Variants in ATP8B4 observed in about 807,000 individuals in gnomAD.
ATP8B4 encodes ATPase phospholipid transporting 8B4 (putative).
In ATP8B4, 133 loss-of-function variants were observed where a neutral mutation model predicts 145.6. That is an observed-to-expected ratio of 0.91 (90% CI 0.79 to 1.05). The LOEUF (loss-of-function observed/expected upper bound fraction) is 1.05. Among genes scored for constraint, ATP8B4 ranks in the 50% least tolerant of loss-of-function variants. The pLI is 0.00. For synonymous variants in ATP8B4, 507 were observed against 492.9 expected, an observed-to-expected ratio of 1.03 and a Z score of -0.38; for missense variants, 1,458 against 1,425.2, an observed-to-expected ratio of 1.02 and a Z score of -0.37.
intron 1 of ATP8B4, among the ~76,000 whole-genome samples, chr15:50,149,062 C>T (rs987020768): frequency 9.9e-5 from 15 of 152,150 alleles, no homozygotes; most frequent in African/African-American, 3.6e-4. Context: ...TTCTCTTGTT[C>T]ATCTATGAAT....
chr15:50,180,051 C>T (rs969400108), intron 1 of ATP8B4, among the ~76,000 whole-genome samples: 1 of 152,156 alleles, frequency 6.6e-6, no homozygotes, highest in Non-Finnish European at 1.5e-5. Flanking sequence ...AAACGTTCCA[C>T]AAAATGGCCT....
intron 3 of ATP8B4, 113 bp from the exon 4 acceptor site, chr15:50,047,577 G>C (rs779624861): frequency 4.3e-6 from 3 of 703,000 alleles, no homozygotes; most frequent in South Asian, 1.6e-5. Context: ...CGGTTATCTA[G>C]GAAATTTCAA....
chr15:49,957,374 A>C (rs927789806), intron 14 of ATP8B4, among the ~76,000 whole-genome samples: 1 of 151,912 alleles, frequency 6.6e-6, no homozygotes, highest in African/African-American at 2.4e-5. Flanking sequence ...CACACAGAGT[A>C]AAAGAAAGAG....
At chr15:50,034,697 G>A (rs2050705890) in intron 6 of ATP8B4, among the ~76,000 whole-genome samples, 1 of 152,102 alleles carries the variant, frequency 6.6e-6, no homozygotes. Flanking sequence ...TAATTGCTCT[G>A]GGCTGTAAAT....
intron 1 of ATP8B4, among the ~76,000 whole-genome samples, chr15:50,116,735 C>A (rs936529982): frequency 1.3e-5 from 2 of 151,936 alleles, no homozygotes; most frequent in Non-Finnish European, 2.9e-5. Flanking sequence ...CCTCTGTGAC[C>A]TTTTCCCCTA....
chr15:50,124,946 T>G (rs545616521), intron 1 of ATP8B4, among the ~76,000 whole-genome samples: 9 of 152,348 alleles, frequency 5.9e-5, no homozygotes, highest in Non-Finnish European at 1.2e-4. Context: ...CATTTCCAAG[T>G]GATGAATGCT....
intron 3 of ATP8B4, among the ~76,000 whole-genome samples, chr15:50,049,070 C>T (rs2153610779): frequency 6.6e-6 from 1 of 152,324 alleles, no homozygotes; most frequent in South Asian, 2.1e-4. Context: ...TGTGCAGAAC[C>T]TTTGGAACTG....
intron 10 of ATP8B4, among the ~76,000 whole-genome samples, chr15:49,984,611 C>T (rs569114607): frequency 4.3e-4 from 66 of 152,224 alleles, no homozygotes; most frequent in African/African-American, 1.5e-3. Context: ...GAAGTTAGCA[C>T]ACAAGAATGC....
intron 20 of ATP8B4, among the ~76,000 whole-genome samples, chr15:49,905,415 G>T (rs2038497135): frequency 6.6e-6 from 1 of 152,186 alleles, no homozygotes; most frequent in Non-Finnish European, 1.5e-5. Flanking sequence ...TCATCCCAAA[G>T]CTGTAGGCTT....
chr15:50,027,931 C>A (rs2050136725), intron 6 of ATP8B4, among the ~76,000 whole-genome samples: 1 of 152,136 alleles, frequency 6.6e-6, no homozygotes, highest in African/African-American at 2.4e-5. Context: ...TCACAGTTTC[C>A]AAGAACCTAT....
chr15:50,013,128 A>G (rs1182387359), intron 6 of ATP8B4, among the ~76,000 whole-genome samples: 1 of 152,214 alleles, frequency 6.6e-6, no homozygotes, highest in East Asian at 1.9e-4. Flanking sequence ...CTGGAGGGTC[A>G]GACAAAATGA....
chr15:49,917,168 A>C lies in ATP8B4; in HGVS notation c.2036-129T>G, dbSNP rs1045120537. ...AGGGGGCTGATGTCAGAGAGAGCACAACAGGTGATAAAATACAAGCAGTGC... is the reference window on the plus strand; with the variant it reads ...AGGGGGCTGATGTCAGAGAGAGCACCACAGGTGATAAAATACAAGCAGTGC... On this transcript the variant is annotated intron_variant, in intron 19 of 27. Transcript: ENST00000284509. 5.3e-6 allele frequency: 4 copies of C among 760,308 alleles called. No individual in the cohort carries two copies. The Admixed American group carries it at 7.6e-5, about 14-fold the overall frequency. 47.1% of individuals were successfully genotyped at this position (760,308 alleles called of 1,614,324 possible).
At chr15:50,094,359 G>T (rs2055816063) in intron 2 of ATP8B4, among the ~76,000 whole-genome samples, 1 of 152,000 alleles carries the variant, frequency 6.6e-6, no homozygotes, top group Admixed American at 6.6e-5. Context: ...AAGCCTGCTG[G>T]CATTTGGACT....
intron 1 of ATP8B4, among the ~76,000 whole-genome samples, chr15:50,171,564 G>C (rs1321341634): frequency 6.6e-6 from 1 of 152,164 alleles, no homozygotes; most frequent in Non-Finnish European, 1.5e-5. Context: ...GCGGTGCTAA[G>C]AGGAAAGTTC....
rs8034302 is a variant in ATP8B4 at position 49,949,611 on chromosome 15, C to G, written c.1287+12366G>C. On this transcript the variant is annotated intron_variant, in intron 14 of 27. Transcript: ENST00000284509. ...TCTAAATATAAAATCATATCGTATG[C>G]CAACAAAGACAATTTGACTTCCTCT... is the stretch of plus-strand genomic sequence containing the variant. Among the ~76,000 whole-genome samples the G allele has an allele frequency of 1.9e-3, 286 of 152,104 alleles. 1 individual carries two copies. The highest frequency in any genetic ancestry group is 6.6e-3 in the African/African-American group (273 of 41,500).
At chr15:49,933,524 C>T (rs1354269579) in intron 15 of ATP8B4, among the ~76,000 whole-genome samples, 1 of 152,008 alleles carries the variant, frequency 6.6e-6, no homozygotes, top group Non-Finnish European at 1.5e-5. Context: ...CATAATGGAG[C>T]CTAAATAAGA....
intron 25 of ATP8B4, among the ~76,000 whole-genome samples, chr15:49,868,653 AAC>A (rs1281507098): frequency 6.6e-6 from 1 of 152,174 alleles, no homozygotes. Flanking sequence ...CTAAATAATT[AAC>A]ATGTAAGAGT....
chr15:50,181,338 G>C (rs2044844508), intron 1 of ATP8B4, among the ~76,000 whole-genome samples: 1 of 152,168 alleles, frequency 6.6e-6, no homozygotes, highest in African/African-American at 2.4e-5. Context: ...TTAAAAGAAA[G>C]GTTCACATTT....
chr15:49,873,963 A>G (rs190703863), intron 25 of ATP8B4, among the ~76,000 whole-genome samples: 2 of 152,348 alleles, frequency 1.3e-5, no homozygotes, highest in Admixed American at 1.3e-4. Flanking sequence ...CATCAGTTAT[A>G]ATGATTCTTT....
Sources: gnomAD v4.1 joint callset for allele counts (sites outside exome capture counted in the v4.1 genomes callset) on GRCh38, gnomAD v4.1.1 for gene constraint, MANE v1.5 for transcripts, NCBI Gene and HGNC (gene_info 2026-07-23, HGNC 2026-07-21) for gene names.